The following COL5A3 variants were observed in gnomAD, a reference collection of about 807,000 sequenced individuals.
The protein encoded by COL5A3 is collagen alpha-3(V) chain.
A neutral mutation model predicts 250.0 loss-of-function variants in COL5A3; 172 were observed. The observed-to-expected ratio is 0.69, with a 90% CI of 0.61 to 0.78. The LOEUF is 0.78. COL5A3 is among the 30% of genes least tolerant of loss of function. COL5A3 has a pLI of 0.00. For synonymous variants in COL5A3, 937 were observed against 900.4 expected (o/e 1.04, Z -0.73); for missense variants, 2,340 against 2,334.4 (o/e 1.00, Z -0.05).
At chr19:9,974,050 G>C in intron 47 of COL5A3, 78 bp from the exon 48 acceptor site, 1 of 1,513,940 alleles carries the variant, frequency 6.6e-7, no homozygotes, top group Non-Finnish European at 8.9e-7. Context: ...AGATACCACT[G>C]TCAATGCTGG....
chr19:10,001,908 G>A (rs767220886), intron 6 of COL5A3, 27 bp from the exon 7 acceptor site: 1 of 1,548,868 alleles, frequency 6.5e-7, no homozygotes. Context: ...GGGAGCCTTG[G>A]GTCTCGGGTG....
intron 31 of COL5A3, among the ~76,000 whole-genome samples, chr19:9,984,457 G>C (rs1295808833): frequency 6.6e-6 from 1 of 152,178 alleles, no homozygotes; most frequent in Non-Finnish European, 1.5e-5. Flanking sequence ...CAAATGTTAT[G>C]TTTTCATATA....
At position 9,994,178 on chromosome 19, in the gene COL5A3, T is replaced by A. The variant is rs191282990; in HGVS notation, c.1588-372A>T. 7.7e-3 allele frequency among the ~76,000 whole-genome samples: 1,175 copies of A among 151,778 alleles called. 10 individuals carry two copies. Among genetic ancestry groups the A allele is most frequent in the Non-Finnish European group, 0.012 (829 of 67,912 alleles). On this transcript the variant is annotated intron_variant, in intron 16 of 66. Coordinates refer to ENST00000264828, the MANE Select transcript of COL5A3 (RefSeq NM_015719.4). ...GCCAAGGCTAAGATATTATTTTTTTTAATTTATTTATGTATTTTAGAGCTG... is the reference window on the plus strand; with the variant it reads ...GCCAAGGCTAAGATATTATTTTTTTAAATTTATTTATGTATTTTAGAGCTG...
rs1344944084 is a variant in COL5A3 at position 9,996,498 on chromosome 19, A to T, written c.1357T>A (p.Ser453Thr). Reference sequence around the variant, plus strand: ...AATGAGACTGGGGGGCCTTTAAAGGAGCCGCCTGCAAACTGGAACTGGGAG... The same window carrying T: ...AATGAGACTGGGGGGCCTTTAAAGGTGCCGCCTGCAAACTGGAACTGGGAG... Reference protein sequence around the residue: ...IMMPFQFAGGSFKGPPVSFQQ... With the variant: ...IMMPFQFAGGTFKGPPVSFQQ... Residue 453 changes from serine (S) to threonine (T), a missense_variant, in exon 13 of 67, where the codon TCC (serine) becomes ACC (threonine). By Grantham distance (58) the Ser-to-Thr change is moderately conservative. Transcript: ENST00000264828. 2 of 1,613,908 alleles carry T rather than the reference A, an allele frequency of 1.2e-6. No homozygotes were observed. Among genetic ancestry groups the T allele is most frequent in the African/African-American group, 2.7e-5 (2 of 74,872 alleles).
chr19:10,001,948 T>A (rs2087370163), intron 6 of COL5A3, 67 bp from the exon 7 acceptor site: 1 of 1,114,780 alleles, frequency 9.0e-7, no homozygotes, highest in East Asian at 2.4e-5. Flanking sequence ...GGAGGCACCC[T>A]CCCACTGTCC....
chr19:9,960,623 C>G (rs1465409761), intron 66 of COL5A3, 28 bp downstream of exon 66: 5 of 1,613,744 alleles, frequency 3.1e-6, no homozygotes, highest in Middle Eastern at 1.7e-4. Context: ...CCTCCCCTCT[C>G]TAGCTGGCCA....
At chr19:9,976,893 G>A (rs776775956) in intron 44 of COL5A3, among the ~76,000 whole-genome samples, 5 of 152,000 alleles carry the variant, frequency 3.3e-5, no homozygotes, top group Non-Finnish European at 7.4e-5. Flanking sequence ...GGGGTGGGGG[G>A]AAGTTGGGTA....
intron 1 of COL5A3, among the ~76,000 whole-genome samples, chr19:10,006,589 A>G (rs1171740098): frequency 6.6e-6 from 1 of 152,024 alleles, no homozygotes; most frequent in African/African-American, 2.4e-5. Context: ...CCCTAGGGCT[A>G]TATCCCAGGC....
At chr19:10,003,972 T>C in intron 5 of COL5A3, 69 bp downstream of exon 5, 1 of 1,283,732 alleles carries the variant, frequency 7.8e-7, no homozygotes, top group Admixed American at 1.7e-5. Flanking sequence ...TCACTCTTTC[T>C]AGGGATCTGG....
rs2087151433 is a variant in COL5A3, at chr19:9,989,185, GA to G, written c.2092-9del. The G allele has an allele frequency of 6.2e-7, 1 of 1,613,992 alleles. No homozygotes were observed. The highest frequency in any genetic ancestry group is 8.5e-7 in the Non-Finnish European group (1 of 1,179,964). Reference sequence around the variant, plus strand: ...TGCCGACCCTGGTGGACCCTGGGAGGAAAATAAGGTCAGTGCCATTCTAGAC... The same window carrying G: ...TGCCGACCCTGGTGGACCCTGGGAGGAAATAAGGTCAGTGCCATTCTAGAC... On this transcript the variant is annotated splice_polypyrimidine_tract_variant and intron_variant, in intron 26 of 66. Coordinates refer to ENST00000264828, the MANE Select transcript of COL5A3 (RefSeq NM_015719.4).
intron 31 of COL5A3, among the ~76,000 whole-genome samples, chr19:9,983,068 C>T (rs2087032029): frequency 6.6e-6 from 1 of 151,852 alleles, no homozygotes; most frequent in South Asian, 2.1e-4. Context: ...ACTATGTTGC[C>T]CAGGCTGGTC....
At position 9,976,558 on chromosome 19, in the gene COL5A3, C is replaced by T. The variant is rs146470482; in HGVS notation, c.3342G>A (p.Pro1114=). Residue 1114 remains proline (P), a splice_region_variant and synonymous_variant, in exon 45 of 67, where the codon CCG becomes CCA. Coordinates refer to ENST00000264828, the MANE Select transcript of COL5A3 (RefSeq NM_015719.4). Reference sequence around the variant, plus strand: ...GGACTGAAAAGATGGGGGCACTCACCGGGGGACCTGGGTGTCCTGCAGGAC... The same window carrying T: ...GGACTGAAAAGATGGGGGCACTCACTGGGGGACCTGGGTGTCCTGCAGGAC... ...IRGPAGHPGP[P]GADGAQGRRG... is the part of the protein sequence containing the mutation. The T allele has an allele frequency of 1.0e-4, 161 of 1,567,104 alleles. 2 individuals carry two copies. In the South Asian group the frequency reaches 1.7e-3, roughly 16 times the overall value.
At position 9,970,753 on chromosome 19, in the gene COL5A3, G is replaced by A. The variant is rs970419262; in HGVS notation, c.3883-78C>T. 5 of 1,230,138 alleles carry A rather than the reference G, an allele frequency of 4.1e-6. No individual in the cohort carries two copies. In the African/African-American group the frequency reaches 7.9e-5, roughly 19 times the overall value. 76.2% of individuals were successfully genotyped at this position (1,230,138 alleles called of 1,614,324 possible). A position where few individuals can be genotyped will look rare whatever the true frequency, so the allele number is the denominator to read the frequency against. On this transcript the variant is annotated intron_variant, in intron 53 of 66. Coordinates refer to ENST00000264828, the MANE Select transcript of COL5A3 (RefSeq NM_015719.4). ...GACTGTTTTAGGACGCCTTGGACCA[G>A]AGGACACCCTTCCCCAAGCCTCACC...
intron 5 of COL5A3, 45 bp from the exon 6 acceptor site, chr19:10,003,759 A>G (rs1205971954): frequency 1.2e-6 from 2 of 1,608,298 alleles, no homozygotes; most frequent in Admixed American, 3.4e-5. Flanking sequence ...CCACCAGCAG[A>G]GACCCCATCA....
At chr19:9,965,366 T>C (rs1308314060) in intron 64 of COL5A3, among the ~76,000 whole-genome samples, 6 of 151,394 alleles carry the variant, frequency 4.0e-5, no homozygotes, top group Non-Finnish European at 7.4e-5. Context: ...CCATGTTAGC[T>C]AGGATGGTCT....
In COL5A3 at chr19:9,986,314, C is replaced by A. The variant is rs1458943380; in HGVS notation, c.2352+1G>T. The A allele has an allele frequency of 6.4e-7, 1 of 1,550,476 alleles. No individual in the cohort carries two copies. The highest frequency in any genetic ancestry group is 1.4e-5 in the African/African-American group (1 of 73,040). Reference sequence around the variant, plus strand: ...AGGCTAGAGGGTGGAGAGTCATTTACCTTCTCCCCAGCTGAGCCTGGGGGC... The same window carrying A: ...AGGCTAGAGGGTGGAGAGTCATTTAACTTCTCCCCAGCTGAGCCTGGGGGC... On this transcript the variant is annotated splice_donor_variant, in intron 30 of 66. Transcript: ENST00000264828. LOFTEE classifies it high-confidence loss of function.
Position 9,979,119 on chromosome 19 carries a change from G to C in COL5A3, c.2874+13C>G. 3 of 1,545,828 alleles carry C rather than the reference G, an allele frequency of 1.9e-6. No homozygotes were observed. The highest frequency in any genetic ancestry group is 2.6e-6 in the Non-Finnish European group (3 of 1,144,970). ...GGATGTTCAACCAAGATCTCCAGTG[G>C]ACAGTGTCTCACCTTGGCCCCCTCT... On this transcript the variant is annotated intron_variant, in intron 39 of 66. Coordinates refer to ENST00000264828, the MANE Select transcript of COL5A3 (RefSeq NM_015719.4).
Position 9,966,314 on chromosome 19 carries a change from G to T in COL5A3, c.4782C>A (p.Ile1594=). ...TCLYPDKKFE[I]VKLASWSKEK... The stretch of plus-strand genomic sequence containing the variant: ...GCGATGAGAGGTTTGGGTTACTCAC[G>T]ATCTCAAACTTCTTGTCGGGATAGA... Residue 1594 remains isoleucine (I), a splice_region_variant and synonymous_variant, in exon 64 of 67, where the codon ATC becomes ATA. Transcript: ENST00000264828. The T allele has an allele frequency of 6.2e-7, 1 of 1,604,538 alleles. No homozygotes were observed. The highest frequency in any genetic ancestry group is 8.5e-7 in the Non-Finnish European group (1 of 1,174,376).
intron 8 of COL5A3, among the ~76,000 whole-genome samples, chr19:10,000,387 C>T (rs558389223): frequency 6.8e-6 from 1 of 147,316 alleles, no homozygotes; most frequent in Non-Finnish European, 1.5e-5. Context: ...CTGCAGATTG[C>T]GGGCTTCCCT....
Sources: allele counts gnomAD v4.1 joint callset (sites outside exome capture counted in the v4.1 genomes callset), GRCh38; gene constraint gnomAD v4.1.1; transcripts MANE v1.5; gene names NCBI Gene and HGNC (gene_info 2026-07-23, HGNC 2026-07-21).